Variants in RARB observed in about 807,000 individuals in gnomAD.
RARB encodes HBV-activated protein.
A neutral mutation model predicts 51.9 loss-of-function variants in RARB; 17 were observed. That is an observed-to-expected ratio of 0.33 (90% CI 0.22 to 0.49). The LOEUF (loss-of-function observed/expected upper bound fraction) is 0.49, where lower values mean the gene tolerates loss of function less well. Ranked by LOEUF, RARB falls within the 20% of genes least tolerant of loss-of-function variation. The pLI is 0.99. For missense variants in RARB, 369 were observed against 550.8 expected (o/e 0.67, Z 3.30); for synonymous variants, 215 against 195.4 (o/e 1.10, Z -0.84).
chr3:25,102,721 T>G (rs1699428170), intron 3 of RARB, among the ~76,000 whole-genome samples: 1 of 152,094 alleles, frequency 6.6e-6, no homozygotes, highest in Non-Finnish European at 1.5e-5. Context: ...CTTTCTCAAT[T>G]TCTGAATTTC....
intron 5 of RARB, among the ~76,000 whole-genome samples, chr3:25,330,031 A>T (rs1450040165): frequency 6.6e-6 from 1 of 152,216 alleles, no homozygotes; most frequent in Non-Finnish European, 1.5e-5. Flanking sequence ...GACCAAATCT[A>T]CATCTGATTG....
intron 5 of RARB, among the ~76,000 whole-genome samples, chr3:25,319,778 A>G (rs1478760556): frequency 6.6e-6 from 1 of 152,158 alleles, no homozygotes; most frequent in Non-Finnish European, 1.5e-5. Flanking sequence ...CAGAAAGGAG[A>G]GATATTCACA....
At chr3:25,084,422 T>G (rs1056349400) in intron 3 of RARB, among the ~76,000 whole-genome samples, 1 of 152,198 alleles carries the variant, frequency 6.6e-6, no homozygotes, top group African/African-American at 2.4e-5. Context: ...AAAACTTTTT[T>G]TTTTTGCTAT....
chr3:25,386,540 AGCATTCAG>A (rs1398916908), intron 5 of RARB, among the ~76,000 whole-genome samples: 1 of 152,240 alleles, frequency 6.6e-6, no homozygotes, highest in African/African-American at 2.4e-5. Flanking sequence ...GGTTGTTAAA[AGCATTCAG>A]GCATGAGATG....
intron 1 of RARB, among the ~76,000 whole-genome samples, chr3:24,853,446 G>C (rs1308464486): frequency 2.0e-5 from 3 of 152,114 alleles, no homozygotes; most frequent in Non-Finnish European, 2.9e-5. Flanking sequence ...AATGTGTTGG[G>C]TTCTTTGAGC....
intron 2 of RARB, among the ~76,000 whole-genome samples, chr3:25,492,531 G>A (rs1559432135): frequency 6.6e-6 from 1 of 152,140 alleles, no homozygotes; most frequent in African/African-American, 2.4e-5. Context: ...CTTTTTGTTG[G>A]TATTCTCAGG....
At position 25,564,952 on chromosome 3, in the gene RARB, C is replaced by A. The variant is rs1055627820; in HGVS notation, c.449-4806C>A. ...CTTGGAGCTGAGCATCAGATGCACA[C>A]CCCACGCTCCCAGAGAAGAGAGTCA... On this transcript the variant is annotated intron_variant, in intron 3 of 7. Transcript: ENST00000330688. Among the ~76,000 whole-genome samples, 8 of 152,290 alleles carry A rather than the reference C, an allele frequency of 5.3e-5. No homozygotes were observed. In the East Asian group the frequency reaches 7.7e-4, roughly 15 times the overall value.
At chr3:25,433,997 C>T (rs892172977) in intron 1 of RARB, among the ~76,000 whole-genome samples, 3 of 152,206 alleles carry the variant, frequency 2.0e-5, no homozygotes, top group Admixed American at 6.5e-5. Flanking sequence ...TGCTCTTTCT[C>T]TGGCCCTGTA....
At chr3:24,932,182 C>A (rs895177945) in intron 2 of RARB, among the ~76,000 whole-genome samples, 4 of 152,044 alleles carry the variant, frequency 2.6e-5, no homozygotes, top group Non-Finnish European at 4.4e-5. Flanking sequence ...TCGGCCCTTT[C>A]ACTCAGGATA....
rs77586235 is a variant in RARB, at chr3:25,171,073, G to C, written c.-279-3046G>C. On this transcript the variant is annotated intron_variant, in intron 4 of 11. Transcript: ENST00000383772. ...TTATTTTCTGGAAAATGCAGTTTGA[G>C]AAACTTGACATAAAGCCTACTTCTC... Among the ~76,000 whole-genome samples the C allele has an allele frequency of 0.012, 1,813 of 151,852 alleles. 91 individuals are homozygous for C. In the East Asian group the frequency reaches 0.15, roughly 12 times the overall value.
chr3:25,218,935 G>A (rs577158209), intron 5 of RARB, among the ~76,000 whole-genome samples: 10 of 152,252 alleles, frequency 6.6e-5, no homozygotes, highest in East Asian at 1.9e-4. Context: ...CTACCTTCAC[G>A]CTTGCCTTGC....
chr3:24,920,008 T>A (rs2125386207), intron 2 of RARB, among the ~76,000 whole-genome samples: 1 of 152,352 alleles, frequency 6.6e-6, no homozygotes, highest in Non-Finnish European at 1.5e-5. Context: ...TTGAGTTAAA[T>A]TTCTCTTTGA....
rs970125336 is a variant in RARB, at chr3:25,074,264, A to G, written c.-328+14088A>G. ...TAGCTTTGTCCACAACTATTTACCA[A>G]GTCACAGTATGACCTGAGTTGGAGG... On this transcript the variant is annotated intron_variant, in intron 3 of 11. Transcript: ENST00000383772. 4.7e-4 allele frequency among the ~76,000 whole-genome samples: 72 copies of G among 152,380 alleles called. 1 individual carries two copies. Among genetic ancestry groups the G allele is most frequent in the Admixed American group, 4.6e-3 (71 of 15,308 alleles).
chr3:25,430,833 AAG>A (rs1708174574), intron 1 of RARB, among the ~76,000 whole-genome samples: 1 of 152,188 alleles, frequency 6.6e-6, no homozygotes, highest in Non-Finnish European at 1.5e-5. Context: ...TCAGTTTCAC[AAG>A]AGTTTGAATC....
At chr3:25,119,983 T>C (rs1699753552) in intron 3 of RARB, among the ~76,000 whole-genome samples, 1 of 152,030 alleles carries the variant, frequency 6.6e-6, no homozygotes, top group Admixed American at 6.6e-5. Context: ...CAAGGAGAGT[T>C]TAGAGTGCCC....
At chr3:25,258,158 A>G (rs1373270802) in intron 5 of RARB, among the ~76,000 whole-genome samples, 1 of 152,106 alleles carries the variant, frequency 6.6e-6, no homozygotes, top group Middle Eastern at 3.2e-3. Flanking sequence ...CATCAGATTG[A>G]ACTTAGGACT....
chr3:24,944,005 C>T (rs149724678), intron 2 of RARB, among the ~76,000 whole-genome samples: 26 of 152,128 alleles, frequency 1.7e-4, no homozygotes, highest in Non-Finnish European at 3.2e-4. Flanking sequence ...ATAACACTGT[C>T]TCTGTATATA....
intron 3 of RARB, among the ~76,000 whole-genome samples, chr3:25,126,567 G>T (rs1699864013): frequency 1.3e-5 from 2 of 152,136 alleles, no homozygotes; most frequent in South Asian, 4.2e-4. Flanking sequence ...ACTTTCATGT[G>T]CACATGAACA....
intron 3 of RARB, among the ~76,000 whole-genome samples, chr3:25,121,647 G>T (rs1038670440): frequency 6.6e-6 from 1 of 152,110 alleles, no homozygotes; most frequent in African/African-American, 2.4e-5. Flanking sequence ...TTTTTTATGT[G>T]TAATGGTATT....
Sources: gnomAD v4.1 joint callset for allele counts (sites outside exome capture counted in the v4.1 genomes callset) on GRCh38, gnomAD v4.1.1 for gene constraint, MANE v1.5 for transcripts, NCBI Gene and HGNC (gene_info 2026-07-23, HGNC 2026-07-21) for gene names.